Variants in SNTB1 observed in about 807,000 individuals in gnomAD.
SNTB1 encodes the protein beta-1-syntrophin.
A neutral mutation model predicts 48.9 loss-of-function variants in SNTB1; 36 were observed. That is an observed-to-expected ratio of 0.74 (90% CI 0.56 to 0.97). The LOEUF is 0.97. SNTB1 is among the 50% of genes least tolerant of loss of function. SNTB1 has a pLI of 0.00. For synonymous variants in SNTB1, 299 were observed against 294.6 expected, an observed-to-expected ratio of 1.01 and a Z score of -0.15; for missense variants, 786 against 703.4, an observed-to-expected ratio of 1.12 and a Z score of -1.33.
intron 1 of SNTB1, among the ~76,000 whole-genome samples, chr8:120,735,325 A>G (rs1442228905): frequency 3.3e-5 from 5 of 152,164 alleles, no homozygotes; most frequent in Non-Finnish European, 7.3e-5. Flanking sequence ...CAAAGAAACC[A>G]AAAAGGGAGG....
intron 2 of SNTB1, among the ~76,000 whole-genome samples, chr8:120,659,781 T>C (rs1286578878): frequency 6.6e-6 from 1 of 152,222 alleles, no homozygotes; most frequent in Admixed American, 6.5e-5. Context: ...ATGCCTTCAC[T>C]CATGATCACA....
At chr8:120,740,716 C>T (rs1278054725) in intron 1 of SNTB1, among the ~76,000 whole-genome samples, 1 of 151,790 alleles carries the variant, frequency 6.6e-6, no homozygotes, top group Non-Finnish European at 1.5e-5. Context: ...GAATGATGGG[C>T]GGCCTGTAGG....
intron 2 of SNTB1, among the ~76,000 whole-genome samples, chr8:120,647,129 T>A (rs1355308609): frequency 7.2e-6 from 1 of 139,294 alleles, no homozygotes; most frequent in Non-Finnish European, 1.6e-5. Context: ...CCTGGATTCA[T>A]TAATTTTTTG....
At chr8:120,618,764 T>C (rs1253822507) in intron 3 of SNTB1, among the ~76,000 whole-genome samples, 1 of 152,204 alleles carries the variant, frequency 6.6e-6, no homozygotes, top group Non-Finnish European at 1.5e-5. Flanking sequence ...TCAACCCAGT[T>C]ATTATTCAAG....
intron 1 of SNTB1, chr8:120,768,676 G>T (rs1459104541): frequency 6.6e-6 from 1 of 152,118 alleles, no homozygotes; most frequent in African/African-American, 2.4e-5. Context: ...AAGAGAGAGA[G>T]GATGACGTCC....
At position 120,811,512 on chromosome 8, in the gene SNTB1, C is replaced by A; in HGVS notation, c.332G>T (p.Arg111Leu). The A allele has an allele frequency of 1.2e-6, 2 of 1,613,382 alleles. No individual in the cohort carries two copies. Among genetic ancestry groups the A allele is most frequent in the South Asian group, 1.1e-5 (1 of 90,974 alleles). The part of the protein sequence containing the change: ...QVPESISNQK[R>L]GVKVLKQELG... ...CTCCTGCTTCAGCACCTTCACGCCACGCTTCTGGTTCGAGATGGACTCGGG... is the reference window on the plus strand; with the variant it reads ...CTCCTGCTTCAGCACCTTCACGCCAAGCTTCTGGTTCGAGATGGACTCGGG... The change falls in exon 1 of 7, where the codon CGT (arginine) becomes CTT (leucine). Residue 111 changes from arginine to leucine, a missense_variant. By Grantham distance (102) the Arg-to-Leu change is moderately radical (BLOSUM62 -2). Transcript: ENST00000517992.
chr8:120,553,538 T>C (rs7838318), intron 4 of SNTB1, among the ~76,000 whole-genome samples: 20,110 of 152,228 alleles, frequency 0.13, 2,668 homozygotes, highest in African/African-American at 0.34. Context: ...TTACACACCT[T>C]GAAATTATAA....
intron 1 of SNTB1, among the ~76,000 whole-genome samples, chr8:120,726,178 A>G (rs756059370): frequency 2.8e-4 from 43 of 152,210 alleles, no homozygotes; most frequent in Non-Finnish European, 5.1e-4. Context: ...TTTAAGAACT[A>G]TGTTTATTCA....
At chr8:120,768,585 AG>A (rs1242751170) in intron 1 of SNTB1, 7 of 152,172 alleles carry the variant, frequency 4.6e-5, no homozygotes, top group Non-Finnish European at 1.0e-4. Flanking sequence ...AGAAATAAGT[AG>A]GGGTGGGTCT....
At chr8:120,592,540 G>C (rs1268749046) in intron 3 of SNTB1, among the ~76,000 whole-genome samples, 1 of 152,070 alleles carries the variant, frequency 6.6e-6, no homozygotes, top group Non-Finnish European at 1.5e-5. Context: ...CCAACTAAAT[G>C]AGATAATATG....
At chr8:120,707,049 A>C (rs1447609205) in intron 1 of SNTB1, among the ~76,000 whole-genome samples, 5 of 152,202 alleles carry the variant, frequency 3.3e-5, no homozygotes, top group African/African-American at 1.2e-4. Flanking sequence ...AGTCTGGCAG[A>C]CTAGACAATG....
intron 1 of SNTB1, among the ~76,000 whole-genome samples, chr8:120,712,143 G>A (rs1317171753): frequency 6.6e-6 from 1 of 152,148 alleles, no homozygotes; most frequent in Non-Finnish European, 1.5e-5. Flanking sequence ...GCCCGGCGTG[G>A]TGGCTCACGC....
intron 3 of SNTB1, among the ~76,000 whole-genome samples, chr8:120,583,558 C>CAA (rs1375683000): frequency 5.2e-4 from 66 of 127,040 alleles, no homozygotes; most frequent in African/African-American, 1.8e-3. Context: ...CACACACACA[C>CAA]ACAAAACTGG....
chr8:120,790,500 G>A (rs749346427), intron 1 of SNTB1, among the ~76,000 whole-genome samples: 1 of 151,720 alleles, frequency 6.6e-6, no homozygotes, highest in Non-Finnish European at 1.5e-5. Flanking sequence ...AAACTCTTCC[G>A]AGAGATTACT....
At chr8:120,641,706 T>C (rs1167140944) in intron 2 of SNTB1, among the ~76,000 whole-genome samples, 1 of 152,232 alleles carries the variant, frequency 6.6e-6, no homozygotes, top group Admixed American at 6.5e-5. Context: ...ACTGTATTTT[T>C]GCAGAGAATA....
At chr8:120,639,938 G>A (rs939435432) in intron 2 of SNTB1, among the ~76,000 whole-genome samples, 8 of 151,984 alleles carry the variant, frequency 5.3e-5, no homozygotes, top group African/African-American at 1.9e-4. Context: ...GCTTGATGGG[G>A]ATGGCATTGA....
intron 1 of SNTB1, among the ~76,000 whole-genome samples, chr8:120,774,736 C>T (rs1223163237): frequency 6.6e-6 from 1 of 152,140 alleles, no homozygotes; most frequent in East Asian, 1.9e-4. Context: ...CTCACTGTGA[C>T]CTCTGCCTCT....
intron 2 of SNTB1, among the ~76,000 whole-genome samples, chr8:120,657,942 C>T (rs1817527509): frequency 6.6e-6 from 1 of 152,122 alleles, no homozygotes; most frequent in South Asian, 2.1e-4. Context: ...TCATTTGTAC[C>T]TATTTTAGGT....
chr8:120,543,936 T>C (rs1453647826), intron 5 of SNTB1, among the ~76,000 whole-genome samples: 1 of 147,808 alleles, frequency 6.8e-6, no homozygotes, highest in Admixed American at 6.9e-5. Context: ...CTGATAGCAC[T>C]GCCTCCCTGT....
Sources: gnomAD v4.1 joint callset for allele counts (sites outside exome capture counted in the v4.1 genomes callset) on GRCh38, gnomAD v4.1.1 for gene constraint, MANE v1.5 for transcripts, NCBI Gene and HGNC (gene_info 2026-07-23, HGNC 2026-07-21) for gene names.